The following EPB41L2 variants were observed in gnomAD, a reference collection of about 807,000 sequenced individuals.
EPB41L2 encodes erythrocyte membrane protein band 4.1 like 2.
EPB41L2 carries 43 observed loss-of-function variants against 113.0 expected under a neutral mutation model. The ratio of observed to expected loss-of-function variants is 0.38; its 90% CI spans 0.30 to 0.49. The LOEUF (loss-of-function observed/expected upper bound fraction) is 0.49. EPB41L2 is among the 20% of genes least tolerant of loss of function. The pLI is 0.95. For missense variants in EPB41L2, 1,147 were observed against 1,223.4 expected (o/e 0.94, Z 0.93); for synonymous variants, 442 against 436.7 (o/e 1.01, Z -0.15).
chr6:130,937,277 C>T (rs1285951361), intron 3 of EPB41L2, among the ~76,000 whole-genome samples: 1 of 152,174 alleles, frequency 6.6e-6, no homozygotes, highest in Non-Finnish European at 1.5e-5. Context: ...CCTAAAAACC[C>T]TAAAATTTTT....
At chr6:130,856,203 G>T (rs961742530) in intron 19 of EPB41L2, among the ~76,000 whole-genome samples, 9 of 152,036 alleles carry the variant, frequency 5.9e-5, no homozygotes, top group African/African-American at 2.2e-4. Context: ...CTAGGGGTAT[G>T]GAAAAAACAT....
At chr6:130,931,933 G>A (rs1381744507) in intron 3 of EPB41L2, among the ~76,000 whole-genome samples, 8 of 152,096 alleles carry the variant, frequency 5.3e-5, no homozygotes, top group Non-Finnish European at 1.0e-4. Context: ...AGTAAGTTAC[G>A]TAACTTCTCT....
chr6:130,983,326 C>T (rs1779805170), intron 1 of EPB41L2, among the ~76,000 whole-genome samples: 1 of 152,088 alleles, frequency 6.6e-6, no homozygotes, highest in Non-Finnish European at 1.5e-5. Context: ...AGTAATGTGT[C>T]AATGAGGATC....
At chr6:130,859,729 G>A (rs549042415) in intron 18 of EPB41L2, among the ~76,000 whole-genome samples, 64 of 142,072 alleles carry the variant, frequency 4.5e-4, no homozygotes, top group African/African-American at 1.5e-3. Flanking sequence ...GCCTCGTTTC[G>A]TTTAAAAAAA....
At chr6:131,035,265 C>T (rs180783747) in intron 1 of EPB41L2, among the ~76,000 whole-genome samples, 1 of 152,316 alleles carries the variant, frequency 6.6e-6, no homozygotes, top group African/African-American at 2.4e-5. Flanking sequence ...GAGATGCTAT[C>T]GCAAACTCTT....
At chr6:131,052,582 G>A (rs1796778511) in intron 1 of EPB41L2, among the ~76,000 whole-genome samples, 1 of 152,150 alleles carries the variant, frequency 6.6e-6, no homozygotes, top group Non-Finnish European at 1.5e-5. Flanking sequence ...TAAGGATCAG[G>A]ATAACTTCAG....
intron 19 of EPB41L2, among the ~76,000 whole-genome samples, chr6:130,846,774 T>G (rs1327159256): frequency 6.6e-6 from 1 of 152,162 alleles, no homozygotes; most frequent in East Asian, 1.9e-4. Flanking sequence ...AAGGCCTACA[T>G]GCTAATATAA....
chr6:130,873,073 CCCT>C (rs1786276403), intron 14 of EPB41L2, among the ~76,000 whole-genome samples: 1 of 152,136 alleles, frequency 6.6e-6, no homozygotes, highest in African/African-American at 2.4e-5. Flanking sequence ...CCTACAATCT[CCCT>C]CCTCAATACC....
intron 3 of EPB41L2, among the ~76,000 whole-genome samples, chr6:130,932,445 G>A (rs1016463206): frequency 2.9e-4 from 44 of 152,132 alleles, no homozygotes; most frequent in Admixed American, 2.8e-3. Flanking sequence ...ACCAGTACAC[G>A]TAGTTGCTTC....
intron 1 of EPB41L2, among the ~76,000 whole-genome samples, chr6:130,979,637 T>C (rs7755720): frequency 0.28 from 42,750 of 152,054 alleles, 7,109 homozygotes; most frequent in Non-Finnish European, 0.37. Flanking sequence ...TGATAATTAA[T>C]TGGATTGTGG....
chr6:131,005,626 A>G (rs997938990), intron 1 of EPB41L2, among the ~76,000 whole-genome samples: 1 of 152,238 alleles, frequency 6.6e-6, no homozygotes, highest in Non-Finnish European at 1.5e-5. Flanking sequence ...TATAAGGCAC[A>G]GGGCAGAAGA....
chr6:130,896,659 C>CA (rs1794761609), intron 8 of EPB41L2, among the ~76,000 whole-genome samples: 1 of 152,034 alleles, frequency 6.6e-6, no homozygotes, highest in Non-Finnish European at 1.5e-5. Context: ...TTAGAATTAC[C>CA]AGTATTTGTG....
At chr6:130,902,304 C>T (rs1796506910) in intron 6 of EPB41L2, among the ~76,000 whole-genome samples, 1 of 152,194 alleles carries the variant, frequency 6.6e-6, no homozygotes, top group African/African-American at 2.4e-5. Flanking sequence ...CTGGTCCAGG[C>T]CTTGTTGTTA....
intron 1 of EPB41L2, among the ~76,000 whole-genome samples, chr6:130,960,748 A>G (rs145435590): frequency 2.0e-5 from 3 of 152,338 alleles, no homozygotes; most frequent in East Asian, 1.9e-4. Flanking sequence ...ACATGATTAC[A>G]GTACATCCAC....
intron 4 of EPB41L2, among the ~76,000 whole-genome samples, chr6:130,910,852 A>G (rs975012941): frequency 6.6e-6 from 1 of 152,220 alleles, no homozygotes; most frequent in African/African-American, 2.4e-5. Context: ...TAGAATGGCG[A>G]TCGTTAAAAA....
chr6:131,029,247 T>C (rs13193246), intron 1 of EPB41L2, among the ~76,000 whole-genome samples: 8,020 of 152,172 alleles, frequency 0.053, 313 homozygotes, highest in East Asian at 0.12. Context: ...CCTTACAACT[T>C]CCTCCTTTAG....
rs565540977 is a variant in EPB41L2, at chr6:130,925,246, T to G, written c.810+1359A>C. Among the ~76,000 whole-genome samples, 9 of 147,480 alleles carry G rather than the reference T, an allele frequency of 6.1e-5. No homozygotes were observed. In the South Asian group the frequency reaches 8.7e-4, roughly 14 times the overall value. On this transcript the variant is annotated intron_variant, in intron 4 of 19. Coordinates refer to ENST00000337057, the MANE Select transcript of EPB41L2 (RefSeq NM_001431.4). ...CTCTGTCATCCAGGCTGGAGTGCAGTGGCGTGATCTTGGCTCACTGCAACC... is the reference window on the plus strand; with the variant it reads ...CTCTGTCATCCAGGCTGGAGTGCAGGGGCGTGATCTTGGCTCACTGCAACC...
At chr6:131,003,628 T>C (rs10499180) in intron 1 of EPB41L2, among the ~76,000 whole-genome samples, 13,884 of 152,138 alleles carry the variant, frequency 0.091, 2,104 homozygotes, top group African/African-American at 0.31. Flanking sequence ...TGGGAGTGAC[T>C]GAACGCAAGT....
intron 1 of EPB41L2, among the ~76,000 whole-genome samples, chr6:130,993,689 G>C (rs185435266): frequency 6.6e-6 from 1 of 151,134 alleles, no homozygotes; most frequent in African/African-American, 2.4e-5. Flanking sequence ...GGCTGCTGGC[G>C]CAAGTGACCT....
Sources: allele counts gnomAD v4.1 joint callset (sites outside exome capture counted in the v4.1 genomes callset), GRCh38; gene constraint gnomAD v4.1.1; transcripts MANE v1.5; gene names NCBI Gene and HGNC (gene_info 2026-07-23, HGNC 2026-07-21).